BRI3: variants seen among roughly 807,000 people sequenced by gnomAD.
The protein encoded by BRI3 is brain protein I3.
In BRI3, 6 loss-of-function variants were observed where a neutral mutation model predicts 12.8. The observed-to-expected ratio is 0.47, with a 90% confidence interval of 0.26 to 0.93. The LOEUF (loss-of-function observed/expected upper bound fraction) is 0.93. BRI3 is among the 40% of genes least tolerant of loss of function. BRI3 has a pLI of 0.15. For missense variants in BRI3, 134 were observed against 171.1 expected, an observed-to-expected ratio of 0.78 and a Z score of 1.21; for synonymous variants, 91 against 76.1, an observed-to-expected ratio of 1.20 and a Z score of -1.02.
chr7:98,317,996 G>A, the BRI3 span, among the ~76,000 whole-genome samples: 2 of 149,820 alleles, frequency 1.3e-5, no homozygotes, highest in Non-Finnish European at 1.5e-5. Context: ...CCCTCACCCC[G>A]CAGCTCACAC....
chr7:98,318,942 T>C, the BRI3 span, among the ~76,000 whole-genome samples: 1 of 95,074 alleles, frequency 1.1e-5, no homozygotes, highest in East Asian at 2.8e-4. Flanking sequence ...CAGGACTCCA[T>C]CTCAAAAAAA....
intron 1 of BRI3, chr7:98,307,444 C>T (rs1584434405): frequency 7.3e-7 from 1 of 1,368,118 alleles, no homozygotes; most frequent in African/African-American, 1.5e-5. Flanking sequence ...AATGTTTAAA[C>T]TACTTTCAGA....
chr7:98,315,913 G>A, the BRI3 span, among the ~76,000 whole-genome samples: 28 of 152,228 alleles, frequency 1.8e-4, no homozygotes, highest in East Asian at 5.8e-4. Context: ...AAAGCACCAC[G>A]GGCTTTGGAA....
At chr7:98,314,428 C>T (rs1800995501), downstream of BRI3, among the ~76,000 whole-genome samples, 1 of 152,220 alleles carries the variant, frequency 6.6e-6, no homozygotes, top group South Asian at 2.1e-4. Context: ...GGAACACTCT[C>T]TAACTTTACT....
the BRI3 span, chr7:98,320,205 G>A: frequency 1.3e-6 from 2 of 1,589,494 alleles, no homozygotes; most frequent in South Asian, 1.1e-5. Context: ...TGAAATGAGT[G>A]TATTTTGTAA....
upstream of BRI3, among the ~76,000 whole-genome samples, chr7:98,302,957 TA>T (rs1800489195): frequency 6.6e-6 from 1 of 152,122 alleles, no homozygotes; most frequent in Non-Finnish European, 1.5e-5. Context: ...GCTAATTTTT[TA>T]TATTTTTTGT....
chr7:98,309,540 CTG>C (rs1800795142), exon 2 of BRI3: 1 of 152,200 alleles, frequency 6.6e-6, no homozygotes, highest in Non-Finnish European at 1.5e-5. Context: ...CATACTTTAA[CTG>C]TGTATTTTAG....
At chr7:98,295,808 G>A (rs1800165488), downstream of BRI3, among the ~76,000 whole-genome samples, 1 of 152,050 alleles carries the variant, frequency 6.6e-6, no homozygotes. Context: ...GGCCCCCACG[G>A]GACTTTAAAA....
At chr7:98,320,375 G>A in the BRI3 span, 10 of 1,171,566 alleles carry the variant, frequency 8.5e-6, no homozygotes, top group South Asian at 2.9e-5. Flanking sequence ...TTGCTCTGTC[G>A]CCCAGGCTGG....
chr7:98,282,606 G>A, intron 2 of BRI3, 153 bp downstream of exon 2: 1 of 655,486 alleles, frequency 1.5e-6, no homozygotes, highest in South Asian at 1.8e-5. Context: ...CAGGCTGCCC[G>A]AATGCGGTGT....
At chr7:98,290,935 C>T (rs976614127) in intron 2 of BRI3, among the ~76,000 whole-genome samples, 176 bp from the exon 3 acceptor site, 14 of 151,530 alleles carry the variant, frequency 9.2e-5, no homozygotes, top group Admixed American at 2.0e-4. Flanking sequence ...TGGGGCTCTC[C>T]AGGCCAGTGG....
chr7:98,294,439 C>T (rs116936580), downstream of BRI3, among the ~76,000 whole-genome samples: 1,085 of 152,336 alleles, frequency 7.1e-3, 29 homozygotes, highest in South Asian at 0.088. Context: ...AAGGCGGTAG[C>T]GGCCCTCCCA....
chr7:98,307,615 C>G, exon 2 of BRI3: 2 of 1,586,306 alleles, frequency 1.3e-6, no homozygotes, highest in Non-Finnish European at 1.7e-6. Context: ...TCCACGAAGA[C>G]AGTTTGCAGC....
chr7:98,298,538 A>C (rs539956284), intron 1 of BRI3, among the ~76,000 whole-genome samples: 1 of 151,912 alleles, frequency 6.6e-6, no homozygotes. Context: ...GCGTGAACCC[A>C]GGAGGTGGAG....
chr7:98,310,663 G>GTTTT (rs1278404391), downstream of BRI3: 24 of 937,412 alleles, frequency 2.6e-5, no homozygotes, highest in African/African-American at 3.4e-4. Context: ...TCCCAAGGCT[G>GTTTT]TTTTTTTTTT....
the BRI3 span, chr7:98,315,739 A>C: frequency 2.5e-6 from 1 of 394,358 alleles, no homozygotes; most frequent in Non-Finnish European, 4.0e-6. Context: ...GAGTAAATAC[A>C]TGAGAGGAAA....
Position 98,291,422 on chromosome 7 carries a change from C to T in BRI3, c.*179C>T, listed in dbSNP as rs998227361. ...GAGAGGCAGTGCTGCTGCTCCCGCC[C>T]GAGGCTCATGACAACTCAATAAAGC... On this transcript the variant is annotated 3_prime_UTR_variant, in exon 3 of 3. Coordinates refer to ENST00000297290, the MANE Select transcript of BRI3 (RefSeq NM_015379.5). 2.8e-5 allele frequency: 40 copies of T among 1,430,472 alleles called. No individual in the cohort carries two copies. Among genetic ancestry groups the T allele is most frequent in the East Asian group, 2.0e-4 (8 of 39,062 alleles). The allele number at this position is 1,430,472 out of a possible 1,614,324, so 88.6% of individuals were successfully genotyped here.
downstream of BRI3, chr7:98,312,068 G>A (rs750188978): frequency 5.1e-6 from 8 of 1,564,192 alleles, no homozygotes; most frequent in Non-Finnish European, 6.9e-6. Context: ...ACACACGATT[G>A]AAATCTGGAA....
the BRI3 span, chr7:98,320,293 C>T: frequency 1.9e-6 from 3 of 1,600,888 alleles, no homozygotes; most frequent in African/African-American, 2.7e-5. Flanking sequence ...TCTATGAGGA[C>T]ATGTCCTGGG....
Sources: gnomAD v4.1 joint callset for allele counts (sites outside exome capture counted in the v4.1 genomes callset) on GRCh38, gnomAD v4.1.1 for gene constraint, MANE v1.5 for transcripts, NCBI Gene and HGNC (gene_info 2026-07-23, HGNC 2026-07-21) for gene names.